Variants in FLOT1 observed in about 807,000 individuals in gnomAD.
FLOT1 encodes flotillin-1.
A neutral mutation model predicts 58.4 loss-of-function variants in FLOT1; 40 were observed. That is an observed-to-expected ratio of 0.69 (90% CI 0.53 to 0.89). The LOEUF (loss-of-function observed/expected upper bound fraction) is 0.89, where lower values mean the gene tolerates loss of function less well. FLOT1 is among the 40% of genes least tolerant of loss of function. The pLI is 0.00. For missense variants in FLOT1, 423 were observed against 540.8 expected (o/e 0.78, Z 2.16); for synonymous variants, 178 against 204.2 (o/e 0.87, Z 1.09).
At chr6:30,735,437 C>T (rs1016203386) in intron 8 of FLOT1, among the ~76,000 whole-genome samples, 23 of 148,614 alleles carry the variant, frequency 1.5e-4, no homozygotes, top group South Asian at 1.1e-3. Context: ...CATGGTGAAA[C>T]CCCTCTCTAC....
Position 30,730,667 on chromosome 6 carries a change from T to C in FLOT1, c.951+15A>G, listed in dbSNP as rs1431869342. 1.2e-6 allele frequency: 2 copies of C among 1,613,782 alleles called. No individual in the cohort carries two copies. Among genetic ancestry groups the C allele is most frequent in the Non-Finnish European group, 1.7e-6 (2 of 1,180,036 alleles). On this transcript the variant is annotated intron_variant, in intron 10 of 12. Coordinates refer to ENST00000376389, the MANE Select transcript of FLOT1 (RefSeq NM_005803.4). The stretch of plus-strand genomic sequence containing the variant: ...CCCTCTCCACAAGCCAGCATGGAAC[T>C]GCCTCTTAACTCACCCGCACAGACG...
chr6:30,740,757 G>A lies in FLOT1; in HGVS notation c.396C>T (p.Phe132=). 1 of 1,610,426 alleles carries A rather than the reference G, an allele frequency of 6.2e-7. No individual in the cohort carries two copies. Among genetic ancestry groups the A allele is most frequent in the Non-Finnish European group, 8.5e-7 (1 of 1,178,764 alleles). Reference sequence around the variant, plus strand: ...TGACCAGGTCTGAGGAGGCCACTTTGAAAACCTGTTCTGAGAATTTCTGCC... The same window carrying A: ...TGACCAGGTCTGAGGAGGCCACTTTAAAAACCTGTTCTGAGAATTTCTGCC... ...KDRQKFSEQV[F]KVASSDLVNM... is the part of the protein sequence containing the mutation. The change falls in exon 6 of 13, where the codon TTC becomes TTT. Residue 132 remains phenylalanine, a synonymous_variant. Transcript: ENST00000376389.
At chr6:30,740,421 A>C in intron 7 of FLOT1, 75 bp downstream of exon 7, 1 of 1,587,958 alleles carries the variant, frequency 6.3e-7, no homozygotes, top group Non-Finnish European at 8.6e-7. Context: ...TTCCCTGCTC[A>C]CCCAGCACCC....
intron 8 of FLOT1, among the ~76,000 whole-genome samples, chr6:30,738,847 G>A (rs1428169220): frequency 6.6e-6 from 1 of 152,172 alleles, no homozygotes; most frequent in Non-Finnish European, 1.5e-5. Flanking sequence ...AAACACGGCA[G>A]TAAATATACT....
At chr6:30,740,834 G>GTTTTTTTTTTTTTTTTTTTTTTTTTTTTT in intron 5 of FLOT1, 36 bp from the exon 6 acceptor site, 1 of 1,314,028 alleles carries the variant, frequency 7.6e-7, no homozygotes, top group Non-Finnish European at 9.9e-7. Context: ...AGGGATGTAA[G>GTTTTTTTTTTTTTTTTTTTTTTTTTTTTT]TTTTTTTTTT....
chr6:30,728,182 A>G lies in FLOT1; in HGVS notation c.1255-37T>C, dbSNP rs545241946. 1.4e-5 allele frequency: 23 copies of G among 1,606,256 alleles called. No individual in the cohort carries two copies. The African/African-American group carries it at 3.1e-4, about 21-fold the overall frequency. ...ACAACAGTAGATGACACTTGGGAAC[A>G]TTCGGGAGGCTGAGGCCCCTACTCT... On this transcript the variant is annotated intron_variant, in intron 12 of 12. Transcript: ENST00000376389.
At chr6:30,733,951 C>T (rs1777381140) in intron 8 of FLOT1, among the ~76,000 whole-genome samples, 1 of 140,304 alleles carries the variant, frequency 7.1e-6, no homozygotes, top group Non-Finnish European at 1.5e-5. Context: ...ACTGGGGAGG[C>T]TGAGGTGGGA....
intron 8 of FLOT1, among the ~76,000 whole-genome samples, chr6:30,739,441 C>T (rs1328293522): frequency 6.6e-6 from 1 of 151,960 alleles, no homozygotes; most frequent in Non-Finnish European, 1.5e-5. Flanking sequence ...GTGGTCTCAG[C>T]TCACTGCAAC....
At chr6:30,731,215 T>G in intron 8 of FLOT1, 115 bp from the exon 9 acceptor site, 1 of 1,070,538 alleles carries the variant, frequency 9.3e-7, no homozygotes, top group Non-Finnish European at 1.3e-6. Context: ...CCGGGCGCGG[T>G]GGCTCACGCC....
intron 8 of FLOT1, among the ~76,000 whole-genome samples, chr6:30,735,906 C>T (rs1373481866): frequency 6.6e-6 from 1 of 152,064 alleles, no homozygotes; most frequent in African/African-American, 2.4e-5. Context: ...CTTCCAGTTT[C>T]CAAAATGATG....
chr6:30,731,500 A>G (rs968850275), intron 8 of FLOT1, among the ~76,000 whole-genome samples: 8 of 151,544 alleles, frequency 5.3e-5, no homozygotes, highest in Non-Finnish European at 1.2e-4. Flanking sequence ...AAAAAAAAAA[A>G]AAAAAAGGAG....
chr6:30,732,133 T>C (rs1777247991), intron 8 of FLOT1, among the ~76,000 whole-genome samples: 1 of 151,274 alleles, frequency 6.6e-6, no homozygotes, highest in South Asian at 2.1e-4. Context: ...GTCTGGCTAA[T>C]TTTTGTATTT....
rs1207078482 is a variant in FLOT1 at position 30,737,254 on chromosome 6, G to GTCCATCCA, written c.723+2896_723+2903dup. On this transcript the variant is annotated intron_variant, in intron 8 of 12. Transcript: ENST00000376389. This position sits in a 1 kb window ranked among gnomAD's most constrained non-coding sequence, Gnocchi z 4.4. ...CGTCCGTCCGTCCGTCCGTCCATCCGTCCATCCATCCATCCATATATCTAT... is the reference window on the plus strand; with the variant it reads ...CGTCCGTCCGTCCGTCCGTCCATCCGTCCATCCATCCATCCATCCATCCATATATCTAT... 3.5e-4 allele frequency among the ~76,000 whole-genome samples: 50 copies of GTCCATCCA among 143,346 alleles called. 1 individual carries two copies. The South Asian group carries it at 4.7e-3, about 13-fold the overall frequency. 94.0% of individuals were successfully genotyped at this position (143,346 alleles called of 152,430 possible).
intron 5 of FLOT1, 36 bp from the exon 6 acceptor site, chr6:30,740,834 GTTTTTT>G (rs34375360): frequency 2.4e-4 from 316 of 1,312,650 alleles, no homozygotes; most frequent in South Asian, 4.9e-4. Context: ...AGGGATGTAA[GTTTTTT>G]TTTTTTTTTT....
In FLOT1 at chr6:30,741,811, A is replaced by G. The variant is rs1368567568; in HGVS notation, c.100T>C (p.Cys34Arg). 6.2e-7 allele frequency: 1 copy of G among 1,613,010 alleles called. No homozygotes were observed. The highest frequency in any genetic ancestry group is 8.5e-7 in the Non-Finnish European group (1 of 1,180,010). Residue 34 changes from cysteine (C) to arginine (R), a missense_variant, in exon 3 of 13, where the codon TGC becomes CGC. This residue lies in a region of FLOT1 where 91 missense variants were observed against 118.3 expected (regional missense o/e 0.77). Coordinates refer to ENST00000376389, the MANE Select transcript of FLOT1 (RefSeq NM_005803.4). This position sits in a 1 kb window ranked among gnomAD's most constrained non-coding sequence, Gnocchi z 5.9. ...GCCTACCTCTGGATCTGTTGGATGC[A>G]GGGCAGGACAAAGACACGCCCTCCA... ...VAGGRVFVLP[C>R]IQQIQRISLN...
intron 8 of FLOT1, 69 bp downstream of exon 8, chr6:30,740,089 G>A (rs752845820): frequency 1.4e-6 from 2 of 1,441,148 alleles, no homozygotes; most frequent in Non-Finnish European, 9.7e-7. Flanking sequence ...ATAGTGTAGT[G>A]GTGTCCTGAG....
At position 30,740,076 on chromosome 6, in the gene FLOT1, G is replaced by GA; in HGVS notation, c.723+81dup. The GA allele has an allele frequency of 2.2e-6, 3 of 1,349,334 alleles. No individual in the cohort carries two copies. In the South Asian group the frequency reaches 3.8e-5, roughly 17 times the overall value. The allele number at this position is 1,349,334 out of a possible 1,614,324, so 83.6% of individuals were successfully genotyped here. A position where few individuals can be genotyped will look rare whatever the true frequency, so the allele number is the denominator to read the frequency against. On this transcript the variant is annotated intron_variant, in intron 8 of 12. Transcript: ENST00000376389. ...GAATAAGACCAAAGTTAAAGTATGA[G>GA]AAATAGTGTAGTGGTGTCCTGAGAT...
intron 8 of FLOT1, among the ~76,000 whole-genome samples, chr6:30,732,952 T>C (rs1777304098): frequency 6.6e-6 from 1 of 152,332 alleles, no homozygotes; most frequent in East Asian, 1.9e-4. Flanking sequence ...TGCCCACCTT[T>C]TGGTGAAACT....
intron 12 of FLOT1, among the ~76,000 whole-genome samples, chr6:30,728,798 T>TC (rs1391128347): frequency 6.6e-6 from 1 of 151,678 alleles, no homozygotes; most frequent in Non-Finnish European, 1.5e-5. Flanking sequence ...CTTTTTTTTT[T>TC]TGAGACAGAG....
Sources: allele counts gnomAD v4.1 joint callset (sites outside exome capture counted in the v4.1 genomes callset), GRCh38; gene constraint gnomAD v4.1.1; regional missense constraint gnomAD v4.1.1; non-coding constraint Gnocchi (gnomAD v3.1); transcripts MANE v1.5; gene names NCBI Gene and HGNC (gene_info 2026-07-23, HGNC 2026-07-21).